The following BPHL variants were observed in gnomAD, a reference collection of about 807,000 sequenced individuals.
BPHL encodes serine hydrolase BPHL.
In BPHL, 27 loss-of-function variants were observed where a neutral mutation model predicts 31.2. The ratio of observed to expected loss-of-function variants is 0.87; its 90% CI spans 0.64 to 1.19. BPHL has a LOEUF of 1.19. Ranked by LOEUF, BPHL falls within the 50% of genes most tolerant of loss-of-function variation. The pLI, the probability that BPHL is intolerant of heterozygous loss-of-function variation, is 0.00. For missense variants in BPHL, 356 were observed against 375.7 expected (o/e 0.95, Z 0.43); for synonymous variants, 150 against 146.8 (o/e 1.02, Z -0.16).
At chr6:3,150,141 C>A (rs980920813) in intron 6 of BPHL, 1 of 152,176 alleles carries the variant, frequency 6.6e-6, no homozygotes, top group Non-Finnish European at 1.5e-5. Flanking sequence ...CCAGTAAACA[C>A]AAAAGTACGT....
chr6:3,123,867 T>C (rs1761645125), intron 2 of BPHL, 107 bp downstream of exon 2: 1 of 910,074 alleles, frequency 1.1e-6, no homozygotes, highest in Non-Finnish European at 1.6e-6. Context: ...TTTTTTGAAA[T>C]GTTTTCATAT....
Position 3,119,284 on chromosome 6 carries a change from G to A in BPHL, c.107+437G>A, listed in dbSNP as rs750630780. On this transcript the variant is annotated intron_variant, in intron 1 of 6. Coordinates refer to ENST00000380379, the MANE Select transcript of BPHL (RefSeq NM_004332.4). ...ATAATCTCTTCTTTCTCTTATGTCA[G>A]AAATCAGCCTGAGCCTGAGTACCGC... 28 of 1,541,682 alleles carry A rather than the reference G, an allele frequency of 1.8e-5. No individual in the cohort carries two copies. In the Admixed American group the frequency reaches 5.1e-4, roughly 28 times the overall value.
chr6:3,152,776 C>A lies in BPHL; in HGVS notation c.*201C>A. ...GCACGGTGGCTCACAGCTATAATCT[C>A]AGCACTTTGGGAGGCTGAGGTGGGA... On this transcript the variant is annotated 3_prime_UTR_variant, in exon 7 of 7. Coordinates refer to ENST00000380379, the MANE Select transcript of BPHL (RefSeq NM_004332.4). 2.2e-6 allele frequency: 1 copy of A among 459,002 alleles called. No individual in the cohort carries two copies. The highest frequency in any genetic ancestry group is 3.8e-6 in the Non-Finnish European group (1 of 261,110). The allele number at this position is 459,002 out of a possible 1,614,324, so 28.4% of individuals were successfully genotyped here. A position where few individuals can be genotyped will look rare whatever the true frequency, so the allele number is the denominator to read the frequency against.
At chr6:3,136,910 T>C (rs995846857) in intron 4 of BPHL, among the ~76,000 whole-genome samples, 1 of 152,226 alleles carries the variant, frequency 6.6e-6, no homozygotes, top group Non-Finnish European at 1.5e-5. Flanking sequence ...CATTTTTCAA[T>C]GTCCATACAA....
intron 5 of BPHL, chr6:3,138,528 C>G (rs1284867496): frequency 6.6e-6 from 1 of 152,494 alleles, no homozygotes; most frequent in Non-Finnish European, 1.5e-5. Context: ...CAATTTGATC[C>G]ATTAGGTAAT....
At chr6:3,120,026 T>G (rs1322552835) in intron 1 of BPHL, among the ~76,000 whole-genome samples, 1 of 151,506 alleles carries the variant, frequency 6.6e-6, no homozygotes, top group Non-Finnish European at 1.5e-5. Flanking sequence ...TTACTGTGAT[T>G]GTACCAATAT....
rs777439605 is a variant in BPHL at position 3,123,747 on chromosome 6, T to C, written c.198T>C (p.Leu66=). ...TGEGDHAVLL[L]PGMLGSGETD... ...AGGGAGATCACGCAGTCCTGCTACT[T>C]CCTGGGATGTTAGGTCTGGGTACTT... Residue 66 remains leucine (L), a synonymous_variant, in exon 2 of 7, where the codon CTT becomes CTC. Coordinates refer to ENST00000380379, the MANE Select transcript of BPHL (RefSeq NM_004332.4). The C allele has an allele frequency of 6.8e-6, 11 of 1,612,298 alleles. No individual in the cohort carries two copies. Among genetic ancestry groups the C allele is most frequent in the Non-Finnish European group, 8.5e-6 (10 of 1,179,002 alleles).
At position 3,140,225 on chromosome 6, in the gene BPHL, T is replaced by C; in HGVS notation, c.665-161T>C. Reference sequence around the variant, plus strand: ...ACAGAAAAGGGAACCCAAAGAATGTTAGAGCTGGAAGGAATCCCAGGCACG... The same window carrying C: ...ACAGAAAAGGGAACCCAAAGAATGTCAGAGCTGGAAGGAATCCCAGGCACG... On this transcript the variant is annotated intron_variant, in intron 5 of 6. Transcript: ENST00000380379. The surrounding 1 kb of genome is among the most constrained non-coding windows in gnomAD (Gnocchi z 5.2). The C allele has an allele frequency of 2.4e-6, 2 of 839,432 alleles. No homozygotes were observed. The highest frequency in any genetic ancestry group is 3.6e-6 in the Non-Finnish European group (2 of 560,234). The allele number at this position is 839,432 out of a possible 1,614,324, so 52.0% of individuals were successfully genotyped here. A position where few individuals can be genotyped will look rare whatever the true frequency, so the allele number is the denominator to read the frequency against.
At chr6:3,135,336 C>G (rs1021545506) in intron 4 of BPHL, among the ~76,000 whole-genome samples, 1 of 152,216 alleles carries the variant, frequency 6.6e-6, no homozygotes, top group African/African-American at 2.4e-5. Flanking sequence ...CTGCAGTCTT[C>G]TGCCTTCCAT....
intron 6 of BPHL, among the ~76,000 whole-genome samples, chr6:3,148,731 A>G (rs1229950730): frequency 2.0e-5 from 3 of 152,242 alleles, no homozygotes; most frequent in Non-Finnish European, 2.9e-5. Flanking sequence ...GATTTACTGC[A>G]CACAGAATTA....
At chr6:3,129,266 T>C (rs1402900928) in intron 4 of BPHL, 68 bp downstream of exon 4, 4 of 1,464,092 alleles carry the variant, frequency 2.7e-6, no homozygotes, top group South Asian at 1.4e-5. Context: ...TCATCTCTTA[T>C]TGTGGGATAT....
At chr6:3,122,576 C>G (rs1017571125) in intron 1 of BPHL, among the ~76,000 whole-genome samples, 7 of 152,186 alleles carry the variant, frequency 4.6e-5, no homozygotes, top group African/African-American at 1.7e-4. Context: ...ACCCATAATT[C>G]AGGCAGCACA....
intron 4 of BPHL, among the ~76,000 whole-genome samples, chr6:3,131,756 C>T (rs1056416631): frequency 6.6e-6 from 1 of 152,168 alleles, no homozygotes; most frequent in African/African-American, 2.4e-5. Flanking sequence ...GCTTCCCCCT[C>T]ATGCCTCTTC....
intron 2 of BPHL, among the ~76,000 whole-genome samples, chr6:3,125,202 T>C (rs755823219): frequency 6.6e-6 from 1 of 152,074 alleles, no homozygotes; most frequent in Non-Finnish European, 1.5e-5. Context: ...TGCACCACCA[T>C]GCCTGGCTAA....
intron 4 of BPHL, among the ~76,000 whole-genome samples, chr6:3,131,108 G>T (rs530489609): frequency 6.6e-6 from 1 of 152,086 alleles, no homozygotes; most frequent in Non-Finnish European, 1.5e-5. Flanking sequence ...CCAGAAAGTT[G>T]CCACTCCTAC....
intron 6 of BPHL, among the ~76,000 whole-genome samples, chr6:3,144,207 A>G (rs150993470): frequency 0.052 from 7,864 of 151,282 alleles, 669 homozygotes; most frequent in African/African-American, 0.18. Flanking sequence ...AGCTGGGACT[A>G]CAGGCGCCCA....
intron 4 of BPHL, among the ~76,000 whole-genome samples, chr6:3,134,603 AT>A (rs556567574): frequency 0.021 from 2,632 of 127,612 alleles, 26 homozygotes; most frequent in South Asian, 0.052. Context: ...CACCTGGCTA[AT>A]TTTTTTTTTT....
chr6:3,127,504 A>T, intron 3 of BPHL, 96 bp downstream of exon 3: 1 of 1,115,566 alleles, frequency 9.0e-7, no homozygotes, highest in Non-Finnish European at 1.2e-6. Context: ...TCTACAAAAT[A>T]ATACCATGTG....
chr6:3,140,616 GC>G lies in BPHL; in HGVS notation c.788+113del. 1 of 1,517,058 alleles carries G rather than the reference GC, an allele frequency of 6.6e-7. No individual in the cohort carries two copies. Among genetic ancestry groups the G allele is most frequent in the Non-Finnish European group, 8.9e-7 (1 of 1,123,984 alleles). 94.0% of individuals were successfully genotyped at this position (1,517,058 alleles called of 1,614,324 possible). On this transcript the variant is annotated intron_variant, in intron 6 of 6. Coordinates refer to ENST00000380379, the MANE Select transcript of BPHL (RefSeq NM_004332.4). The surrounding 1 kb of genome is among the most constrained non-coding windows in gnomAD (Gnocchi z 5.2). ...AGGAGTTGGAGTTTTAGAGTGCACA[GC>G]CCCCCTTTTGCCAATGCCAGTCAGT... is the stretch of plus-strand genomic sequence containing the variant.
Sources: allele counts gnomAD v4.1 joint callset (sites outside exome capture counted in the v4.1 genomes callset), GRCh38; gene constraint gnomAD v4.1.1; non-coding constraint Gnocchi (gnomAD v3.1); transcripts MANE v1.5; gene names NCBI Gene and HGNC (gene_info 2026-07-23, HGNC 2026-07-21).